The following TAFA1 variants were observed in gnomAD, a reference collection of about 807,000 sequenced individuals.
TAFA1 encodes the protein TAFA chemokine like family member 1.
Under a neutral mutation model 18.5 loss-of-function variants are expected in TAFA1, and 4 were observed. That is an observed-to-expected ratio of 0.22 (90% CI 0.11 to 0.49). The LOEUF (loss-of-function observed/expected upper bound fraction) is 0.49. TAFA1 is among the 20% of genes least tolerant of loss of function. The probability of loss-of-function intolerance (pLI) is 0.98; values close to 1 mark genes in which losing one functional copy is unlikely to be tolerated. For missense variants in TAFA1, 147 were observed against 169.0 expected, an observed-to-expected ratio of 0.87 and a Z score of 0.72; for synonymous variants, 56 against 55.2, an observed-to-expected ratio of 1.01 and a Z score of -0.06.
chr3:68,216,081 T>G (rs2107079592), intron 2 of TAFA1, among the ~76,000 whole-genome samples: 1 of 152,156 alleles, frequency 6.6e-6, no homozygotes, highest in Admixed American at 6.6e-5. Context: ...TACTCTATTA[T>G]TCCAACCACA....
intron 2 of TAFA1, among the ~76,000 whole-genome samples, chr3:68,028,754 T>A (rs1024178868): frequency 1.3e-5 from 2 of 150,646 alleles, no homozygotes; most frequent in African/African-American, 4.9e-5. Flanking sequence ...TTTTAAAATT[T>A]TTTTTTTTAT....
intron 3 of TAFA1, among the ~76,000 whole-genome samples, chr3:68,425,442 C>T (rs534136122): frequency 6.6e-6 from 1 of 151,936 alleles, no homozygotes; most frequent in Non-Finnish European, 1.5e-5. Flanking sequence ...TTCGATTGTT[C>T]TTATTAGAAG....
At chr3:68,001,899 A>T (rs535792423), upstream of TAFA1, among the ~76,000 whole-genome samples, 5 of 152,312 alleles carry the variant, frequency 3.3e-5, no homozygotes, top group African/African-American at 9.6e-5. Context: ...TCAGGCTGAT[A>T]GTGCAACTTG....
chr3:68,534,308 T>A (rs1332478206), intron 3 of TAFA1, among the ~76,000 whole-genome samples: 2 of 152,206 alleles, frequency 1.3e-5, no homozygotes, highest in African/African-American at 4.8e-5. Flanking sequence ...CTCTTCGCCT[T>A]CTTCCATAAC....
intron 2 of TAFA1, among the ~76,000 whole-genome samples, chr3:68,036,808 A>G (rs1705059765): frequency 6.6e-6 from 1 of 152,220 alleles, no homozygotes; most frequent in African/African-American, 2.4e-5. Context: ...TGGATCTCCA[A>G]AGAGATACTG....
intron 3 of TAFA1, among the ~76,000 whole-genome samples, chr3:68,450,770 A>G (rs79662145): frequency 0.017 from 2,534 of 152,356 alleles, 47 homozygotes; most frequent in Middle Eastern, 0.044. Flanking sequence ...TCCTAATTAC[A>G]TATAACACTT....
chr3:68,120,545 G>A (rs1437249875), intron 2 of TAFA1, among the ~76,000 whole-genome samples: 1 of 152,026 alleles, frequency 6.6e-6, no homozygotes, highest in Admixed American at 6.6e-5. Flanking sequence ...CACTGCACGT[G>A]GCCAACCTCT....
chr3:68,510,728 G>A (rs955035552), intron 3 of TAFA1, among the ~76,000 whole-genome samples: 1 of 152,094 alleles, frequency 6.6e-6, no homozygotes, highest in Non-Finnish European at 1.5e-5. Flanking sequence ...GAGGGCAGAT[G>A]TACACTGGGG....
At chr3:68,188,598 C>G (rs1437898932) in intron 2 of TAFA1, among the ~76,000 whole-genome samples, 2 of 150,804 alleles carry the variant, frequency 1.3e-5, no homozygotes, top group Non-Finnish European at 3.0e-5. Flanking sequence ...CAATTTGAAA[C>G]TAATATCTCT....
chr3:68,499,992 C>T (rs563622313), intron 3 of TAFA1, among the ~76,000 whole-genome samples: 7 of 151,902 alleles, frequency 4.6e-5, no homozygotes, highest in African/African-American at 1.4e-4. Flanking sequence ...TTTCTTAAGG[C>T]ATAGCCTCAA....
At chr3:68,207,981 A>G (rs1172904369) in intron 2 of TAFA1, among the ~76,000 whole-genome samples, 1 of 151,994 alleles carries the variant, frequency 6.6e-6, no homozygotes, top group Non-Finnish European at 1.5e-5. Context: ...TGGAGTAACA[A>G]TAGACTCAGA....
chr3:68,115,923 C>T (rs1471085526), intron 2 of TAFA1, among the ~76,000 whole-genome samples: 1 of 152,120 alleles, frequency 6.6e-6, no homozygotes, highest in African/African-American at 2.4e-5. Flanking sequence ...GGATGAACCA[C>T]CCTCTAGTAA....
intron 2 of TAFA1, among the ~76,000 whole-genome samples, chr3:68,360,026 A>G (rs1051774327): frequency 4.0e-5 from 6 of 151,878 alleles, no homozygotes; most frequent in Admixed American, 3.3e-4. Context: ...TTAGACCCCC[A>G]CTTGTATTTA....
intron 2 of TAFA1, among the ~76,000 whole-genome samples, chr3:68,345,308 G>A (rs1281792406): frequency 6.6e-6 from 1 of 152,166 alleles, no homozygotes; most frequent in African/African-American, 2.4e-5. Flanking sequence ...AGGCAGAGAG[G>A]CCTAGAAGAA....
At chr3:68,306,932 A>G (rs1171434032) in intron 2 of TAFA1, among the ~76,000 whole-genome samples, 3 of 152,194 alleles carry the variant, frequency 2.0e-5, no homozygotes, top group East Asian at 3.8e-4. Flanking sequence ...AACTTTTACT[A>G]AAATTTCAAA....
At chr3:68,266,954 T>C (rs2067559222) in intron 2 of TAFA1, among the ~76,000 whole-genome samples, 1 of 152,168 alleles carries the variant, frequency 6.6e-6, no homozygotes, top group Admixed American at 6.5e-5. Flanking sequence ...TTCGGTGGAC[T>C]CCAGTTTCTC....
At chr3:68,367,708 C>T (rs1377243862) in intron 2 of TAFA1, among the ~76,000 whole-genome samples, 2 of 152,104 alleles carry the variant, frequency 1.3e-5, no homozygotes, top group African/African-American at 2.4e-5. Context: ...ATAAAAGGCT[C>T]TCTGTGGTAG....
chr3:68,172,329 A>G (rs915174379), intron 2 of TAFA1, among the ~76,000 whole-genome samples: 2 of 152,156 alleles, frequency 1.3e-5, no homozygotes, highest in African/African-American at 2.4e-5. Flanking sequence ...GGAAAGGCAA[A>G]TCAAAACCAC....
intron 2 of TAFA1, among the ~76,000 whole-genome samples, chr3:68,178,280 A>C (rs1345047429): frequency 6.6e-6 from 1 of 152,222 alleles, no homozygotes. Flanking sequence ...TCACTCATAC[A>C]ACACATACTT....
Sources: allele counts gnomAD v4.1 joint callset (sites outside exome capture counted in the v4.1 genomes callset), GRCh38; gene constraint gnomAD v4.1.1; transcripts MANE v1.5; gene names NCBI Gene and HGNC (gene_info 2026-07-23, HGNC 2026-07-21).